Variants in TMEFF1 observed in about 807,000 individuals in gnomAD.
The protein encoded by TMEFF1 is tomoregulin-1.
A neutral mutation model predicts 47.5 loss-of-function variants in TMEFF1; 20 were observed. The observed-to-expected ratio is 0.42, with a 90% CI of 0.30 to 0.61. The LOEUF is 0.61. Ranked by LOEUF, TMEFF1 falls within the 20% of genes least tolerant of loss-of-function variation. The pLI, the probability that TMEFF1 is intolerant of heterozygous loss-of-function variation, is 0.19. For synonymous variants in TMEFF1, 162 were observed against 166.3 expected (o/e 0.97, Z 0.20); for missense variants, 411 against 471.1 (o/e 0.87, Z 1.18).
At chr9:100,507,440 C>G (rs1050928808) in intron 2 of TMEFF1, among the ~76,000 whole-genome samples, 9 of 152,296 alleles carry the variant, frequency 5.9e-5, no homozygotes, top group African/African-American at 2.2e-4. Flanking sequence ...CTCCAAACTG[C>G]TCTCCACAGT....
intron 5 of TMEFF1, among the ~76,000 whole-genome samples, chr9:100,543,075 T>C (rs1411920258): frequency 6.6e-6 from 1 of 152,056 alleles, no homozygotes; most frequent in Admixed American, 6.5e-5. Context: ...ATTACAGGCA[T>C]GTGCCACCAT....
rs574919798 is a variant in TMEFF1, at chr9:100,569,541, T to C, written c.900-2977T>C. 2.6e-5 allele frequency among the ~76,000 whole-genome samples: 4 copies of C among 152,214 alleles called. No individual in the cohort carries two copies. In the South Asian group the frequency reaches 8.3e-4, roughly 32 times the overall value. ...AGTACAAAAGATTTTAATTTTGATT[T>C]AGTGCTATTTATCTTTTTTGTTGTT... On this transcript the variant is annotated intron_variant, in intron 8 of 9. Transcript: ENST00000374879.
Position 100,577,147 on chromosome 9 carries a change from C to G in TMEFF1, c.*547C>G, listed in dbSNP as rs1200511165. On this transcript the variant is annotated 3_prime_UTR_variant, in exon 10 of 10. Coordinates refer to ENST00000374879, the MANE Select transcript of TMEFF1 (RefSeq NM_003692.5). ...TGGACTGGGGAATTTGATTATTCCT[C>G]CCTTTGAAAAAATAGTCCTAATAAT... is the stretch of plus-strand genomic sequence containing the variant. The G allele has an allele frequency of 6.6e-6, 1 of 152,454 alleles. No individual in the cohort carries two copies. Among genetic ancestry groups the G allele is most frequent in the African/African-American group, 2.4e-5 (1 of 41,388 alleles). The allele number at this position is 152,454 out of a possible 1,614,324, so 9.4% of individuals were successfully genotyped here. A position where few individuals can be genotyped will look rare whatever the true frequency, so the allele number is the denominator to read the frequency against.
At chr9:100,505,761 G>C (rs1029847822) in intron 2 of TMEFF1, among the ~76,000 whole-genome samples, 3 of 152,298 alleles carry the variant, frequency 2.0e-5, no homozygotes, top group African/African-American at 7.2e-5. Context: ...CACCCCTAGG[G>C]GGCGATATTG....
chr9:100,576,567 T>G lies in TMEFF1; in HGVS notation c.1110T>G (p.His370Gln). ...GTCGACAGAAGCAAAACCTAGGTCA[T>G]TTTACTTCAGATACGTCATCCAGAA... ...RGRRQKQNLG[H>Q]FTSDTSSRMV Residue 370 changes from histidine (H) to glutamine (Q), a missense_variant, in exon 10 of 10, where the codon CAT becomes CAG. Coordinates refer to ENST00000374879, the MANE Select transcript of TMEFF1 (RefSeq NM_003692.5). 6 of 1,613,494 alleles carry G rather than the reference T, an allele frequency of 3.7e-6. No individual in the cohort carries two copies. Among genetic ancestry groups the G allele is most frequent in the South Asian group, 1.1e-5 (1 of 91,016 alleles).
intron 5 of TMEFF1, among the ~76,000 whole-genome samples, chr9:100,533,263 G>A (rs1838434049): frequency 1.3e-5 from 2 of 151,940 alleles, no homozygotes; most frequent in Non-Finnish European, 2.9e-5. Context: ...GCCTGGATCC[G>A]ATGCTATCTT....
At chr9:100,526,955 C>CAAAAAAAAAAAAAA (rs55736750) in intron 5 of TMEFF1, among the ~76,000 whole-genome samples, 1 of 38,978 alleles carries the variant, frequency 2.6e-5, no homozygotes, top group Non-Finnish European at 4.5e-5. Flanking sequence ...GCTAAAAATA[C>CAAAAAAAAAAAAAA]AAAAAAAAAA....
intron 3 of TMEFF1, among the ~76,000 whole-genome samples, chr9:100,512,918 A>G (rs1017194724): frequency 1.3e-5 from 2 of 152,020 alleles, no homozygotes; most frequent in Non-Finnish European, 2.9e-5. Context: ...TGCCTTTCTA[A>G]TAAAAGCAGC....
Position 100,498,807 on chromosome 9 carries a change from C to T in TMEFF1, c.239C>T (p.Ser80Leu). Residue 80 changes from serine (S) to leucine (L), a missense_variant, in exon 2 of 10, where the codon TCA becomes TTA. By Grantham distance (145) the Ser-to-Leu change is moderately radical (BLOSUM62 -2). Coordinates refer to ENST00000374879, the MANE Select transcript of TMEFF1 (RefSeq NM_003692.5). Reference protein sequence around the residue: ...RESDVRVCDESSCKYGGVCKE... With the variant: ...RESDVRVCDELSCKYGGVCKE... ...TCTGACGTAAGAGTTTGTGATGAGTCATCATGTAAATATGGAGGAGTCTGT... is the reference window on the plus strand; with the variant it reads ...TCTGACGTAAGAGTTTGTGATGAGTTATCATGTAAATATGGAGGAGTCTGT... 1 of 1,613,790 alleles carries T rather than the reference C, an allele frequency of 6.2e-7. No individual in the cohort carries two copies. The highest frequency in any genetic ancestry group is 8.5e-7 in the Non-Finnish European group (1 of 1,179,878).
chr9:100,539,226 C>T (rs182560395), intron 5 of TMEFF1, among the ~76,000 whole-genome samples: 45 of 152,252 alleles, frequency 3.0e-4, no homozygotes, highest in East Asian at 1.2e-3. Context: ...AGATTTTCAA[C>T]GGCCTTGCCT....
chr9:100,576,457 T>C, intron 9 of TMEFF1, 59 bp from the exon 10 acceptor site: 2 of 1,585,308 alleles, frequency 1.3e-6, no homozygotes, highest in Non-Finnish European at 1.7e-6. Context: ...ACATTTGAAA[T>C]ATCCTGAACA....
chr9:100,560,663 C>T (rs1043664992), intron 7 of TMEFF1, among the ~76,000 whole-genome samples: 3 of 152,158 alleles, frequency 2.0e-5, no homozygotes, highest in Non-Finnish European at 4.4e-5. Flanking sequence ...TCCTGACTCT[C>T]TTCATTTTCT....
intron 3 of TMEFF1, 95 bp from the exon 4 acceptor site, chr9:100,513,211 AT>A: frequency 6.6e-7 from 1 of 1,504,058 alleles, no homozygotes; most frequent in South Asian, 1.2e-5. Context: ...TTGAGAATGG[AT>A]ATCACAGTTT....
At chr9:100,531,107 A>G (rs1838367995) in intron 5 of TMEFF1, among the ~76,000 whole-genome samples, 1 of 152,148 alleles carries the variant, frequency 6.6e-6, no homozygotes, top group Admixed American at 6.5e-5. Flanking sequence ...AGAGCTATCT[A>G]TGACAAACCC....
intron 2 of TMEFF1, among the ~76,000 whole-genome samples, chr9:100,500,805 T>G: frequency 6.6e-6 from 1 of 152,192 alleles, no homozygotes; most frequent in African/African-American, 2.4e-5. Flanking sequence ...AATCATATGT[T>G]TTAGAGTGTG....
At chr9:100,537,097 T>C (rs1419022843) in intron 5 of TMEFF1, among the ~76,000 whole-genome samples, 1 of 152,182 alleles carries the variant, frequency 6.6e-6, no homozygotes, top group African/African-American at 2.4e-5. Context: ...TTTCAGACAA[T>C]AGTGGTGACA....
chr9:100,528,299 C>T (rs549458821), intron 5 of TMEFF1, among the ~76,000 whole-genome samples: 8 of 150,126 alleles, frequency 5.3e-5, no homozygotes, highest in East Asian at 3.9e-4. Context: ...CTCTGAGCTA[C>T]GGGAGGACAT....
intron 1 of TMEFF1, among the ~76,000 whole-genome samples, chr9:100,474,666 A>G (rs1486392642): frequency 6.6e-6 from 1 of 151,772 alleles, no homozygotes; most frequent in African/African-American, 2.4e-5. Flanking sequence ...GGGTTATTAA[A>G]GTGTGGAAAG....
chr9:100,497,320 C>CCTTTTTT (rs1837668320), intron 1 of TMEFF1, among the ~76,000 whole-genome samples: 1 of 59,526 alleles, frequency 1.7e-5, no homozygotes, highest in African/African-American at 6.8e-5. Flanking sequence ...CCACTCATGT[C>CCTTTTTT]TTTTTTTTTT....
Sources: gnomAD v4.1 joint callset for allele counts (sites outside exome capture counted in the v4.1 genomes callset) on GRCh38, gnomAD v4.1.1 for gene constraint, MANE v1.5 for transcripts, NCBI Gene and HGNC (gene_info 2026-07-23, HGNC 2026-07-21) for gene names.